The following PARD3 variants were observed in gnomAD, a reference collection of about 807,000 sequenced individuals.
PARD3 encodes the protein par-3 family cell polarity regulator, also known as partitioning defective 3 homolog.
PARD3 carries 75 observed loss-of-function variants against 155.4 expected under a neutral mutation model. The ratio of observed to expected loss-of-function variants is 0.48; its 90% CI spans 0.40 to 0.58. PARD3 has a LOEUF of 0.58. PARD3 is among the 20% of genes least tolerant of loss of function. PARD3 has a pLI of 0.00. For missense variants in PARD3, 1,642 were observed against 1,721.7 expected, an observed-to-expected ratio of 0.95 and a Z score of 0.82; for synonymous variants, 576 against 610.5, an observed-to-expected ratio of 0.94 and a Z score of 0.83.
chr10:34,300,404 C>T (rs1220681098), intron 20 of PARD3, among the ~76,000 whole-genome samples: 1 of 152,084 alleles, frequency 6.6e-6, no homozygotes, highest in Non-Finnish European at 1.5e-5. Context: ...CCTGTAATCC[C>T]AACACTCTGG....
rs192512936 is a variant in PARD3 at position 34,640,902 on chromosome 10, A to G, written c.222+55416T>C. On this transcript the variant is annotated intron_variant, in intron 2 of 24. Coordinates refer to ENST00000374788, the MANE Select transcript of PARD3 (RefSeq NM_001184785.2). ...GAAAAAAGGGACAGGGAGGGAGGGA[A>G]TGTGATATATTAATAAACATGTAAT... Among the ~76,000 whole-genome samples the G allele has an allele frequency of 5.9e-4, 90 of 152,088 alleles. No homozygotes were observed. In the East Asian group the frequency reaches 0.012, roughly 21 times the overall value.
chr10:34,177,832 C>A (rs984654028), intron 22 of PARD3, among the ~76,000 whole-genome samples: 2 of 152,200 alleles, frequency 1.3e-5, no homozygotes, highest in Admixed American at 1.3e-4. Flanking sequence ...GGGGTCCTCG[C>A]TTTCCTTGGC....
At chr10:34,284,964 C>T (rs1210975204) in intron 20 of PARD3, among the ~76,000 whole-genome samples, 3 of 152,170 alleles carry the variant, frequency 2.0e-5, no homozygotes, top group African/African-American at 7.2e-5. Flanking sequence ...GTGCTGAGCT[C>T]TTTAAGAAAA....
chr10:34,616,515 C>T (rs1391288170), intron 2 of PARD3, among the ~76,000 whole-genome samples: 3 of 152,106 alleles, frequency 2.0e-5, no homozygotes, highest in African/African-American at 7.2e-5. Context: ...GTAAAGAAAA[C>T]GTGGTCTATA....
chr10:34,521,144 T>C (rs1400237686), intron 2 of PARD3, among the ~76,000 whole-genome samples: 3 of 152,194 alleles, frequency 2.0e-5, no homozygotes, highest in Non-Finnish European at 2.9e-5. Flanking sequence ...GAAGAGCTTA[T>C]ACATATATAT....
At chr10:34,193,120 T>C (rs181764745) in intron 22 of PARD3, among the ~76,000 whole-genome samples, 3 of 152,336 alleles carry the variant, frequency 2.0e-5, no homozygotes, top group Admixed American at 6.5e-5. Context: ...CTGAAGTATC[T>C]AATTTGAATT....
intron 1 of PARD3, among the ~76,000 whole-genome samples, chr10:34,741,173 A>ATTTTT (rs1470627211): frequency 1.2e-5 from 1 of 82,946 alleles, no homozygotes; most frequent in African/African-American, 3.4e-5. Flanking sequence ...TCGTAAACCA[A>ATTTTT]ATTTTTTTTT....
chr10:34,693,948 A>G (rs912847060), intron 2 of PARD3, among the ~76,000 whole-genome samples: 1 of 152,212 alleles, frequency 6.6e-6, no homozygotes, highest in Non-Finnish European at 1.5e-5. Context: ...TAAAAGAAAA[A>G]GACTGTGTTT....
At chr10:34,656,797 A>T (rs2093178932) in intron 2 of PARD3, among the ~76,000 whole-genome samples, 1 of 152,234 alleles carries the variant, frequency 6.6e-6, no homozygotes, top group East Asian at 1.9e-4. Flanking sequence ...TCAGAAACCG[A>T]CAGGGGCAAC....
At chr10:34,183,786 G>C (rs1028537441) in intron 22 of PARD3, among the ~76,000 whole-genome samples, 1 of 152,126 alleles carries the variant, frequency 6.6e-6, no homozygotes, top group African/African-American at 2.4e-5. Flanking sequence ...TCTCTGTATG[G>C]GGGAGCTGTT....
At chr10:34,519,805 C>T (rs1242187187) in intron 2 of PARD3, among the ~76,000 whole-genome samples, 1 of 146,254 alleles carries the variant, frequency 6.8e-6, no homozygotes, top group Non-Finnish European at 1.5e-5. Flanking sequence ...CAGAGCGAGA[C>T]TCCATCTCAA....
intron 22 of PARD3, among the ~76,000 whole-genome samples, chr10:34,227,553 G>A (rs574003891): frequency 1.3e-3 from 200 of 152,272 alleles, no homozygotes; most frequent in Middle Eastern, 3.4e-3. Flanking sequence ...CAAGAGAAGC[G>A]CTTGAACCCG....
chr10:34,541,362 T>C (rs1389031638), intron 2 of PARD3, among the ~76,000 whole-genome samples: 5 of 152,252 alleles, frequency 3.3e-5, no homozygotes, highest in African/African-American at 4.8e-5. Flanking sequence ...CTCTCGAATC[T>C]GCAGTATGAG....
At chr10:34,793,920 G>A (rs1294031597) in intron 1 of PARD3, among the ~76,000 whole-genome samples, 2 of 152,060 alleles carry the variant, frequency 1.3e-5, no homozygotes, top group Non-Finnish European at 2.9e-5. Context: ...TTCAATTAGA[G>A]GTAAAGTATC....
intron 22 of PARD3, among the ~76,000 whole-genome samples, chr10:34,186,733 G>C (rs1479962914): frequency 6.6e-6 from 1 of 152,018 alleles, no homozygotes; most frequent in Non-Finnish European, 1.5e-5. Flanking sequence ...CTCTTCCCTG[G>C]GTGCCAAGGA....
Position 34,774,336 on chromosome 10 carries a change from C to A in PARD3, c.120+40540G>T, listed in dbSNP as rs561134455. ...TCTAAAATCAAGGCTAAGGTTAAGA[C>A]AAAATTATCCTTGAAAATTACTTAA... On this transcript the variant is annotated intron_variant, in intron 1 of 24. Coordinates refer to ENST00000374788, the MANE Select transcript of PARD3 (RefSeq NM_001184785.2). 3.9e-5 allele frequency among the ~76,000 whole-genome samples: 6 copies of A among 152,258 alleles called. No homozygotes were observed. The East Asian group carries it at 9.6e-4, about 24-fold the overall frequency.
intron 2 of PARD3, among the ~76,000 whole-genome samples, chr10:34,555,026 G>A (rs1467455133): frequency 6.6e-6 from 1 of 152,172 alleles, no homozygotes; most frequent in East Asian, 1.9e-4. Flanking sequence ...AAACTATATT[G>A]TCTGATACTG....
chr10:34,613,269 A>G (rs373430476), intron 2 of PARD3, among the ~76,000 whole-genome samples: 5 of 152,224 alleles, frequency 3.3e-5, no homozygotes, highest in Non-Finnish European at 5.9e-5. Flanking sequence ...ACCTGTGTGC[A>G]CATACACACA....
chr10:34,503,566 A>T (rs4934637), intron 3 of PARD3, among the ~76,000 whole-genome samples: 43,732 of 151,994 alleles, frequency 0.29, 6,792 homozygotes, highest in East Asian at 0.42. Context: ...CATACTTTTT[A>T]AAAAAATTAC....
Sources: gnomAD v4.1 joint callset for allele counts (sites outside exome capture counted in the v4.1 genomes callset) on GRCh38, gnomAD v4.1.1 for gene constraint, MANE v1.5 for transcripts, NCBI Gene and HGNC (gene_info 2026-07-23, HGNC 2026-07-21) for gene names.